Variants in ABHD8 observed in about 807,000 individuals in gnomAD.
The protein encoded by ABHD8 is protein ABHD8.
ABHD8 carries 10 observed loss-of-function variants against 29.3 expected under a neutral mutation model. The observed-to-expected ratio is 0.34, with a 90% CI of 0.21 to 0.58. The LOEUF (loss-of-function observed/expected upper bound fraction) is 0.58. Among genes scored for constraint, ABHD8 ranks in the 20% least tolerant of loss-of-function variants. The pLI is 0.85. For synonymous variants in ABHD8, 282 were observed against 274.6 expected (o/e 1.03, Z -0.27); for missense variants, 556 against 615.3 (o/e 0.90, Z 1.02).
In ABHD8 at chr19:17,301,263, C is replaced by T. The variant is rs756405465; in HGVS notation, c.354G>A (p.Glu118=). The change falls in exon 2 of 5, where the codon GAG becomes GAA. Residue 118 remains glutamate (E), a synonymous_variant. Coordinates refer to ENST00000247706, the MANE Select transcript of ABHD8 (RefSeq NM_024527.5). ...TGCCCGCCGGATCTGCCAGCTCCAC[C>T]TCCAGGGCGGCCGGCGGCTCCCCAG... The part of the protein sequence containing the change: ...NGSGEPPAAL[E]VELADPAGSD... 1.2e-6 allele frequency: 2 copies of T among 1,602,528 alleles called. No individual in the cohort carries two copies. The highest frequency in any genetic ancestry group is 1.7e-6 in the Non-Finnish European group (2 of 1,177,696).
chr19:17,300,030 G>C (rs1223022245), intron 2 of ABHD8, among the ~76,000 whole-genome samples: 1 of 150,282 alleles, frequency 6.7e-6, no homozygotes, highest in Non-Finnish European at 1.5e-5. Context: ...TCAGCCTCCC[G>C]AGTAGCTGGG....
chr19:17,292,361 C>A lies in ABHD8; in HGVS notation c.*300G>T, dbSNP rs889998234. The A allele has an allele frequency of 2.3e-6, 1 of 434,020 alleles. No individual in the cohort carries two copies. Among genetic ancestry groups the A allele is most frequent in the African/African-American group, 2.1e-5 (1 of 48,484 alleles). 26.9% of individuals were successfully genotyped at this position (434,020 alleles called of 1,614,324 possible). A position where few individuals can be genotyped will look rare whatever the true frequency, so the allele number is the denominator to read the frequency against. On this transcript the variant is annotated 3_prime_UTR_variant, in exon 5 of 5. Transcript: ENST00000247706. The stretch of plus-strand genomic sequence containing the variant: ...CAGCGGGGTGGGGGGCCTGCCTTGG[C>A]CGTGGCGTTGGGGGGAAGGTGAGGG...
At chr19:17,294,215 C>A in intron 4 of ABHD8, 73 bp downstream of exon 4, 1 of 1,525,700 alleles carries the variant, frequency 6.6e-7, no homozygotes, top group Non-Finnish European at 8.8e-7. Flanking sequence ...CCACGCCCCC[C>A]GCAGAGGCCA....
intron 4 of ABHD8, 148 bp downstream of exon 4, chr19:17,294,140 A>G (rs1361174942): frequency 2.1e-6 from 2 of 933,404 alleles, no homozygotes; most frequent in Non-Finnish European, 3.1e-6. Flanking sequence ...AGATACAGCA[A>G]CTAGAGGCCA....
chr19:17,294,677 G>C lies in ABHD8; in HGVS notation c.930C>G (p.Leu310=). 6.2e-7 allele frequency: 1 copy of C among 1,613,768 alleles called. No individual in the cohort carries two copies. The highest frequency in any genetic ancestry group is 8.5e-7 in the Non-Finnish European group (1 of 1,179,858). The change falls in exon 3 of 5, where the codon CTC becomes CTG. Residue 310 remains leucine (L), a splice_region_variant and synonymous_variant. Transcript: ENST00000247706. ...GTCTTTGGGGTGGGGACACTCACTTGAGGAAGCTCCAGGCCAGGCAGGGCG... is the reference window on the plus strand; with the variant it reads ...GTCTTTGGGGTGGGGACACTCACTTCAGGAAGCTCCAGGCCAGGCAGGGCG... ...CLSPCLAWSF[L]KAGFARQGAK...
intron 2 of ABHD8, among the ~76,000 whole-genome samples, chr19:17,295,945 A>G (rs1413190644): frequency 6.6e-6 from 1 of 152,154 alleles, no homozygotes; most frequent in Admixed American, 6.6e-5. Context: ...TCCTGGGCTC[A>G]AGTGATCCTC....
chr19:17,295,129 C>T (rs1327448382), intron 2 of ABHD8, among the ~76,000 whole-genome samples: 2 of 119,386 alleles, frequency 1.7e-5, no homozygotes, highest in African/African-American at 6.7e-5. Flanking sequence ...GACGGAGTCT[C>T]GCTCTGTCGC....
intron 2 of ABHD8, chr19:17,296,618 C>G (rs748692284): frequency 6.6e-6 from 1 of 152,048 alleles, no homozygotes; most frequent in Admixed American, 6.6e-5. Flanking sequence ...AAACTATGTA[C>G]GGCCTGTGGG....
chr19:17,296,556 C>T (rs1225389055), intron 2 of ABHD8: 2 of 152,202 alleles, frequency 1.3e-5, no homozygotes, highest in Admixed American at 1.3e-4. Flanking sequence ...GATGGAAGGC[C>T]TGAGAAGCCC....
chr19:17,298,605 A>T (rs887619356), intron 2 of ABHD8, among the ~76,000 whole-genome samples: 3 of 152,116 alleles, frequency 2.0e-5, no homozygotes, highest in African/African-American at 7.2e-5. Context: ...TTTGACTGTC[A>T]TGATCAACAC....
Position 17,292,628 on chromosome 19 carries a change from T to C in ABHD8, c.*33A>G. ...CTCGGGCCTCCTCCTGCTGCGGCTG[T>C]GCTCACCAAGCGATGCCCCGCCGGC... On this transcript the variant is annotated 3_prime_UTR_variant, in exon 5 of 5. Coordinates refer to ENST00000247706, the MANE Select transcript of ABHD8 (RefSeq NM_024527.5). 1 of 1,584,782 alleles carries C rather than the reference T, an allele frequency of 6.3e-7. No homozygotes were observed. Among genetic ancestry groups the C allele is most frequent in the Non-Finnish European group, 8.6e-7 (1 of 1,166,544 alleles).
rs1420258009 is a variant in ABHD8 at position 17,301,696 on chromosome 19, C to T, written c.-8-72G>A. 7.7e-6 allele frequency: 11 copies of T among 1,435,772 alleles called. No individual in the cohort carries two copies. The African/African-American group carries it at 1.5e-4, about 19-fold the overall frequency. 88.9% of individuals were successfully genotyped at this position (1,435,772 alleles called of 1,614,324 possible). On this transcript the variant is annotated intron_variant, in intron 1 of 4. Coordinates refer to ENST00000247706, the MANE Select transcript of ABHD8 (RefSeq NM_024527.5). ...CCCTGCACCGTGCAGCAGGCACTCCCTGAGCCTTGGGAGAACTGTTTTAGA... is the reference window on the plus strand; with the variant it reads ...CCCTGCACCGTGCAGCAGGCACTCCTTGAGCCTTGGGAGAACTGTTTTAGA...
chr19:17,294,708 C>T lies in ABHD8; in HGVS notation c.899G>A (p.Cys300Tyr), dbSNP rs758942089. The T allele has an allele frequency of 6.2e-7, 1 of 1,614,124 alleles. No individual in the cohort carries two copies. Among genetic ancestry groups the T allele is most frequent in the South Asian group, 1.1e-5 (1 of 91,090 alleles). Residue 300 changes from cysteine to tyrosine, a missense_variant, in exon 3 of 5, where the codon TGC becomes TAC. By Grantham distance (194) the Cys-to-Tyr change is radical (BLOSUM62 -2). Coordinates refer to ENST00000247706, the MANE Select transcript of ABHD8 (RefSeq NM_024527.5). ...GCTCCAGGCCAGGCAGGGCGACAAG[C>T]AGTGCAGGACGCAGGTGGGCATGTT... ...IFNMPTCVLH[C>Y]LSPCLAWSFL... is the part of the protein sequence containing the mutation.
chr19:17,294,504 C>G lies in ABHD8; in HGVS notation c.933G>C (p.Lys311Asn). 1 of 1,613,782 alleles carries G rather than the reference C, an allele frequency of 6.2e-7. No homozygotes were observed. The highest frequency in any genetic ancestry group is 1.1e-5 in the South Asian group (1 of 91,076). ...TGGCTCCTTGGCGGGCGAAGCCGGC[C>G]CTGGTGGTGGTGGAGGCACCGCTAG... The part of the protein sequence containing the change: ...LSPCLAWSFL[K>N]AGFARQGAKE... The change falls in exon 4 of 5, where the codon AAG becomes AAC. Residue 311 changes from lysine (K) to asparagine (N), a missense_variant and splice_region_variant. This residue lies in a region of ABHD8 where 270 missense variants were observed against 353.9 expected (regional missense o/e 0.76). Transcript: ENST00000247706.
At position 17,301,196 on chromosome 19, in the gene ABHD8, C is replaced by T. The variant is rs746198270; in HGVS notation, c.421G>A (p.Gly141Ser). Residue 141 changes from glycine to serine, a missense_variant, in exon 2 of 5, where the codon GGC (glycine) becomes AGC (serine). Physicochemically the swap from Gly to Ser is moderately conservative, Grantham distance 56 (BLOSUM62 0). This residue lies in a region of ABHD8 where 286 missense variants were observed against 261.4 expected (regional missense o/e 1.09). Transcript: ENST00000247706. Reference protein sequence around the residue: ...LAPGSAGSGSGSGSGGRRRRA... With the variant: ...LAPGSAGSGSSSGSGGRRRRA... ...CGCCGCCGCCCACCACTGCCACTGC[C>T]GCTGCCGCTGCCTGCGCTGCCGGGG... 2.5e-6 allele frequency: 4 copies of T among 1,602,772 alleles called. No individual in the cohort carries two copies. The highest frequency in any genetic ancestry group is 1.3e-5 in the African/African-American group (1 of 74,778).
intron 3 of ABHD8, 68 bp downstream of exon 3, chr19:17,294,607 A>G: frequency 6.2e-7 from 1 of 1,606,618 alleles, no homozygotes; most frequent in Non-Finnish European, 8.5e-7. Context: ...CCCCCCTCCC[A>G]TCCAACTCGA....
In ABHD8 at chr19:17,301,319, G is replaced by T. The variant is rs751547039; in HGVS notation, c.298C>A (p.Arg100=). ...TTCTGCCCGTGTAGGAGGTCGGCTC[G>T]AGGGGCTCGGCCCAGGTTTTCCACC... ...LLVENLGRAP[R]ADLLHGQNGS... is the part of the protein sequence containing the mutation. The change falls in exon 2 of 5, where the codon CGA becomes AGA. Residue 100 remains arginine (R), a synonymous_variant. Coordinates refer to ENST00000247706, the MANE Select transcript of ABHD8 (RefSeq NM_024527.5). 3.1e-6 allele frequency: 5 copies of T among 1,607,502 alleles called. No individual in the cohort carries two copies. The highest frequency in any genetic ancestry group is 3.4e-6 in the Non-Finnish European group (4 of 1,179,838).
chr19:17,292,696 C>A lies in ABHD8; in HGVS notation c.1285G>T (p.Glu429Ter). The change falls in exon 5 of 5, where the codon GAG (glutamate) becomes TAG (stop). Residue 429 changes from glutamate to a stop codon, truncating the protein, a stop_gained. Coordinates refer to ENST00000247706, the MANE Select transcript of ABHD8 (RefSeq NM_024527.5). LOFTEE classifies it high-confidence loss of function. ...TCTTCTGGAGGCGCCGGCAGTGGCT[C>A]CGGTAGAGCCTTGGGCGAGGGCTCG... ...EPEPSPKALP[E>*]PLPAPPEDKK 6.2e-7 allele frequency: 1 copy of A among 1,612,574 alleles called. No homozygotes were observed. Among genetic ancestry groups the A allele is most frequent in the East Asian group, 2.2e-5 (1 of 44,818 alleles).
chr19:17,299,064 A>G (rs942349011), intron 2 of ABHD8, among the ~76,000 whole-genome samples: 1 of 152,142 alleles, frequency 6.6e-6, no homozygotes, highest in Non-Finnish European at 1.5e-5. Flanking sequence ...CTTTAGAACA[A>G]TGTGAAACAA....
Sources: allele counts gnomAD v4.1 joint callset (sites outside exome capture counted in the v4.1 genomes callset), GRCh38; gene constraint gnomAD v4.1.1; regional missense constraint gnomAD v4.1.1; transcripts MANE v1.5; gene names NCBI Gene and HGNC (gene_info 2026-07-23, HGNC 2026-07-21).